The following ASH1L variants were observed in gnomAD, a reference collection of about 807,000 sequenced individuals.
The protein encoded by ASH1L is histone-lysine N-methyltransferase ASH1L.
ASH1L carries 23 observed loss-of-function variants against 269.0 expected under a neutral mutation model. The observed-to-expected ratio is 0.09, with a 90% confidence interval of 0.06 to 0.12. ASH1L has a LOEUF of 0.12. Ranked by LOEUF, ASH1L falls within the 10% of genes least tolerant of loss-of-function variation. ASH1L has a pLI of 1.00. For synonymous variants in ASH1L, 1,187 were observed against 1,253.5 expected, an observed-to-expected ratio of 0.95 and a Z score of 1.12; for missense variants, 2,912 against 3,567.8, an observed-to-expected ratio of 0.82 and a Z score of 4.68.
intron 3 of ASH1L, among the ~76,000 whole-genome samples, 199 bp from the exon 4 acceptor site, chr1:155,460,097 T>C (rs1449573899): frequency 1.3e-5 from 2 of 152,200 alleles, no homozygotes; most frequent in Non-Finnish European, 2.9e-5. Flanking sequence ...ATTTCACAGA[T>C]CTTATATACA....
intron 1 of ASH1L, among the ~76,000 whole-genome samples, chr1:155,542,502 T>C (rs1371392798): frequency 5.3e-5 from 8 of 150,630 alleles, no homozygotes; most frequent in Non-Finnish European, 8.9e-5. Context: ...TGAGCCCAGG[T>C]TGCGCCACTG....
intron 2 of ASH1L, among the ~76,000 whole-genome samples, chr1:155,508,590 A>G (rs1396819834): frequency 1.3e-5 from 2 of 152,212 alleles, no homozygotes; most frequent in Non-Finnish European, 2.9e-5. Flanking sequence ...CAGTGAGCCA[A>G]GATTGCACCA....
At chr1:155,349,216 G>A (rs1653658294) in intron 19 of ASH1L, 111 bp downstream of exon 19, 1 of 1,251,836 alleles carries the variant, frequency 8.0e-7, no homozygotes, top group African/African-American at 1.5e-5. Context: ...AAAATGACTG[G>A]CTTTTCCAAC....
chr1:155,562,641 C>T lies in ASH1L; in HGVS notation c.-588G>A. 2 of 1,526,046 alleles carry T rather than the reference C, an allele frequency of 1.3e-6. No homozygotes were observed. 94.5% of individuals were successfully genotyped at this position (1,526,046 alleles called of 1,614,324 possible). A position where few individuals can be genotyped will look rare whatever the true frequency, so the allele number is the denominator to read the frequency against. On this transcript the variant is annotated 5_prime_UTR_variant, in exon 1 of 28. Coordinates refer to ENST00000392403, the MANE Select transcript of ASH1L (RefSeq NM_018489.3). ...GTGTCTACGGGCTCGTCGCTGGCTG[C>T]TCCCACCAACCACCACCTTCGGCCG...
chr1:155,449,056 C>T (rs1001491138), intron 4 of ASH1L, among the ~76,000 whole-genome samples: 5 of 152,004 alleles, frequency 3.3e-5, no homozygotes, highest in African/African-American at 7.2e-5. Context: ...GCCTCAGCCT[C>T]CCAAGCAGCC....
intron 2 of ASH1L, among the ~76,000 whole-genome samples, chr1:155,497,751 CT>C (rs59853262): frequency 2.2e-3 from 305 of 137,100 alleles, no homozygotes; most frequent in Admixed American, 2.1e-3. Flanking sequence ...GAAGAAAATT[CT>C]TTTTTTTTTT....
At chr1:155,533,041 A>C (rs897117012) in intron 1 of ASH1L, among the ~76,000 whole-genome samples, 1 of 151,506 alleles carries the variant, frequency 6.6e-6, no homozygotes, top group Non-Finnish European at 1.5e-5. Flanking sequence ...ACTCTGGAAG[A>C]CAACTATGTT....
intron 4 of ASH1L, among the ~76,000 whole-genome samples, chr1:155,450,890 C>T (rs1482407713): frequency 6.6e-6 from 1 of 152,066 alleles, no homozygotes; most frequent in Non-Finnish European, 1.5e-5. Flanking sequence ...GCAATTCTGA[C>T]ACATGCTAAA....
chr1:155,352,783 T>G lies in ASH1L; in HGVS notation c.7289A>C (p.Glu2430Ala). Residue 2430 changes from glutamate (E) to alanine (A), a missense_variant, in exon 17 of 28, where the codon GAA becomes GCA. Glu to Ala is a moderately radical substitution (Grantham distance 107). Transcript: ENST00000392403. Reference protein sequence around the residue: ...VRTRRLAAAEENIEVARAARL... With the variant: ...VRTRRLAAAEANIEVARAARL... ...GGCTGCCCGAGCCACTTCAATATTT[T>G]CCTCTGCAGCTGCCAACCGTCTTGT... 4 of 1,614,166 alleles carry G rather than the reference T, an allele frequency of 2.5e-6. No homozygotes were observed. Among genetic ancestry groups the G allele is most frequent in the Non-Finnish European group, 3.4e-6 (4 of 1,180,020 alleles).
intron 8 of ASH1L, among the ~76,000 whole-genome samples, chr1:155,379,542 G>A (rs1347575976): frequency 3.3e-5 from 5 of 152,034 alleles, no homozygotes; most frequent in Non-Finnish European, 4.4e-5. Context: ...GAAAAAACAC[G>A]GCATCTTCCT....
In ASH1L at chr1:155,517,261, G is replaced by C. The variant is rs1213134222; in HGVS notation, c.420+3839C>G. Among the ~76,000 whole-genome samples the C allele has an allele frequency of 2.0e-5, 3 of 152,160 alleles. No homozygotes were observed. The East Asian group carries it at 5.8e-4, about 29-fold the overall frequency. ...TCACTTTGGGAGACCAAGGCAGGAG[G>C]ATCACTTGAGCCCAGGAGTTTGAGG... On this transcript the variant is annotated intron_variant, in intron 2 of 27. Transcript: ENST00000392403.
chr1:155,442,599 A>G (rs1240227443), intron 4 of ASH1L, among the ~76,000 whole-genome samples: 1 of 151,104 alleles, frequency 6.6e-6, no homozygotes, highest in African/African-American at 2.4e-5. Flanking sequence ...AAAAAAAAAA[A>G]AAAATCAAAA....
chr1:155,556,364 C>T (rs774564159), intron 1 of ASH1L, among the ~76,000 whole-genome samples: 4 of 151,470 alleles, frequency 2.6e-5, no homozygotes, highest in Non-Finnish European at 5.9e-5. Flanking sequence ...CAGACCCCAG[C>T]TGTAAAAAAT....
intron 7 of ASH1L, among the ~76,000 whole-genome samples, chr1:155,385,211 G>A (rs564465451): frequency 2.8e-4 from 42 of 152,230 alleles, no homozygotes; most frequent in Non-Finnish European, 7.3e-5. Flanking sequence ...TGGGAGGTGA[G>A]GCGGGCAGAT....
intron 4 of ASH1L, among the ~76,000 whole-genome samples, chr1:155,459,073 T>G (rs562014656): frequency 6.6e-6 from 1 of 151,920 alleles, no homozygotes. Context: ...TGTAAATATA[T>G]AAACATTAGC....
rs1041673153 is a variant in ASH1L, at chr1:155,478,245, T to G, written c.4625A>C (p.His1542Pro). The G allele has an allele frequency of 1.2e-6, 2 of 1,614,112 alleles. No individual in the cohort carries two copies. Among genetic ancestry groups the G allele is most frequent in the South Asian group, 1.1e-5 (1 of 91,082 alleles). The part of the protein sequence containing the change: ...EKHRCHMSCP[H>P]LSPSKSLINR... The stretch of plus-strand genomic sequence containing the variant: ...TATTAAGCTTTTTGAAGGAGAGAGA[T>G]GAGGGCAGGACATGTGACAACGGTG... Residue 1542 changes from histidine to proline, a missense_variant, in exon 3 of 28, where the codon CAT becomes CCT. By Grantham distance (77) the His-to-Pro change is moderately conservative (BLOSUM62 -2). Transcript: ENST00000392403. This position sits in a 1 kb window ranked among gnomAD's most constrained non-coding sequence, Gnocchi z 4.6.
chr1:155,353,003 G>T, intron 16 of ASH1L, 145 bp from the exon 17 acceptor site: 1 of 720,170 alleles, frequency 1.4e-6, no homozygotes. Context: ...TCTATCTTCT[G>T]TAATGAAAAA....
chr1:155,389,182 A>G (rs998435098), intron 7 of ASH1L, among the ~76,000 whole-genome samples: 1 of 149,104 alleles, frequency 6.7e-6, no homozygotes, highest in Non-Finnish European at 1.5e-5. Context: ...ATTTTTTTCT[A>G]TTTTTAGTAG....
Position 155,477,918 on chromosome 1 carries a change from G to A in ASH1L, c.4952C>T (p.Pro1651Leu). Reference protein sequence around the residue: ...LNRLHRKESLPSNERAVQTLA... With the variant: ...LNRLHRKESLLSNERAVQTLA... ...AGTCTGTACTGCCCTTTCGTTAGAAGGCAGTGACTCCTTTCTGTGAAGCCG... is the reference window on the plus strand; with the variant it reads ...AGTCTGTACTGCCCTTTCGTTAGAAAGCAGTGACTCCTTTCTGTGAAGCCG... The change falls in exon 3 of 28, where the codon CCT becomes CTT. Residue 1651 changes from proline (P) to leucine (L), a missense_variant. Pro to Leu is a moderately conservative substitution (Grantham distance 98, BLOSUM62 -3). This residue lies in a region of ASH1L where 789 missense variants were observed against 897.6 expected (regional missense o/e 0.88). Transcript: ENST00000392403. The A allele has an allele frequency of 6.2e-7, 1 of 1,613,226 alleles. No homozygotes were observed. The highest frequency in any genetic ancestry group is 8.5e-7 in the Non-Finnish European group (1 of 1,179,192).
Sources: gnomAD v4.1 joint callset for allele counts (sites outside exome capture counted in the v4.1 genomes callset) on GRCh38, gnomAD v4.1.1 for gene constraint, gnomAD v4.1.1 regional missense constraint, Gnocchi (gnomAD v3.1) non-coding constraint, MANE v1.5 for transcripts, NCBI Gene and HGNC (gene_info 2026-07-23, HGNC 2026-07-21) for gene names.